PFKFB3: variants seen among roughly 807,000 people sequenced by gnomAD.
PFKFB3 encodes 6-phosphofructo-2-kinase/fructose-2,6-bisphosphatase 3.
Under a neutral mutation model 68.0 loss-of-function variants are expected in PFKFB3, and 33 were observed. That is an observed-to-expected ratio of 0.49 (90% confidence interval 0.37 to 0.65). The LOEUF is 0.65. Among genes scored for constraint, PFKFB3 ranks in the 30% least tolerant of loss-of-function variants. The probability of loss-of-function intolerance (pLI) is 0.00; values close to 1 mark genes in which losing one functional copy is unlikely to be tolerated. For missense variants in PFKFB3, 586 were observed against 712.2 expected (o/e 0.82, Z 2.02); for synonymous variants, 315 against 288.2 (o/e 1.09, Z -0.94).
At chr10:6,193,828 C>T (rs1239192581) in intron 1 of PFKFB3, among the ~76,000 whole-genome samples, 1 of 152,028 alleles carries the variant, frequency 6.6e-6, no homozygotes, top group Non-Finnish European at 1.5e-5. Context: ...TTGTAAAGAA[C>T]CTTCTTAAGG....
chr10:6,268,701 T>G, the PFKFB3 span, among the ~76,000 whole-genome samples: 1 of 150,800 alleles, frequency 6.6e-6, no homozygotes, highest in Non-Finnish European at 1.5e-5. Context: ...TTGTACTGGA[T>G]CATACATTCA....
chr10:6,166,630 A>T (rs948320407), intron 1 of PFKFB3, among the ~76,000 whole-genome samples: 1 of 152,082 alleles, frequency 6.6e-6, no homozygotes, highest in South Asian at 2.1e-4. Context: ...CTTCTCTCAG[A>T]CGGAGGCAGC....
rs114309764 is a variant in PFKFB3, at chr10:6,229,067, T to C, written c.1515+2702T>C. ...CCCCAAAAACACACCCGCCCCTTTA[T>C]TTCCTGTTTGCTCCTTAAGTTACCT... On this transcript the variant is annotated intron_variant, in intron 14 of 14. Transcript: ENST00000379775. The surrounding 1 kb of genome is among the most constrained non-coding windows in gnomAD (Gnocchi z 4.3). 2.2e-3 allele frequency: 1,161 copies of C among 520,778 alleles called. 15 individuals are homozygous for C. The highest frequency in any genetic ancestry group is 0.021 in the African/African-American group (1,075 of 51,812). The allele number at this position is 520,778 out of a possible 1,614,324, so 32.3% of individuals were successfully genotyped here. A position where few individuals can be genotyped will look rare whatever the true frequency, so the allele number is the denominator to read the frequency against.
intron 1 of PFKFB3, among the ~76,000 whole-genome samples, chr10:6,175,881 C>T (rs956655396): frequency 1.3e-5 from 2 of 152,244 alleles, no homozygotes; most frequent in Non-Finnish European, 2.9e-5. Flanking sequence ...CTGTGACTCA[C>T]ACCAACTCTC....
chr10:6,188,115 C>T (rs1157935753), intron 1 of PFKFB3, among the ~76,000 whole-genome samples: 2 of 151,636 alleles, frequency 1.3e-5, no homozygotes, highest in African/African-American at 2.4e-5. Flanking sequence ...AAATATATGT[C>T]GTGCCCAGCC....
upstream of PFKFB3, among the ~76,000 whole-genome samples, chr10:6,198,490 T>A (rs1208430919): frequency 6.6e-6 from 1 of 152,140 alleles, no homozygotes; most frequent in African/African-American, 2.4e-5. Flanking sequence ...AGAAAAATAA[T>A]AATTTTTTTT....
At chr10:6,159,703 A>T (rs1303436823) in intron 1 of PFKFB3, among the ~76,000 whole-genome samples, 2 of 151,512 alleles carry the variant, frequency 1.3e-5, no homozygotes, top group African/African-American at 4.8e-5. Flanking sequence ...AGGAAAAAAA[A>T]AAAAAACAAA....
At position 6,151,032 on chromosome 10, in the gene PFKFB3, A is replaced by G. The variant is rs371256186; in HGVS notation, c.16+6019A>G. The stretch of plus-strand genomic sequence containing the variant: ...CAACAACAAAAAGCAAAAATTGCCT[A>G]TCATTCATGACGGCAGGGGAAGAGT... On this transcript the variant is annotated intron_variant, in intron 1 of 14. Coordinates refer to the PFKFB3 transcript ENST00000379789. Among the ~76,000 whole-genome samples the G allele has an allele frequency of 9.2e-5, 14 of 152,194 alleles. No homozygotes were observed. The East Asian group carries it at 2.5e-3, about 27-fold the overall frequency.
the PFKFB3 span, among the ~76,000 whole-genome samples, chr10:6,289,955 T>C: frequency 6.6e-6 from 1 of 152,152 alleles, no homozygotes; most frequent in East Asian, 1.9e-4. Flanking sequence ...TATTTTATTC[T>C]CTTTGAAGCA....
At chr10:6,322,344 A>G in the PFKFB3 span, among the ~76,000 whole-genome samples, 1 of 152,046 alleles carries the variant, frequency 6.6e-6, no homozygotes, top group African/African-American at 2.4e-5. Flanking sequence ...AAATCCATCT[A>G]CCACTTTTCA....
intron 1 of PFKFB3, among the ~76,000 whole-genome samples, chr10:6,161,583 C>T (rs1264649615): frequency 2.7e-5 from 4 of 149,734 alleles, no homozygotes; most frequent in African/African-American, 9.9e-5. Context: ...TATACACACA[C>T]ACATATATAT....
chr10:6,220,923 A>G lies in PFKFB3; in HGVS notation c.831+58A>G. The G allele has an allele frequency of 7.7e-7, 1 of 1,301,004 alleles. No individual in the cohort carries two copies. Among genetic ancestry groups the G allele is most frequent in the South Asian group, 1.2e-5 (1 of 85,022 alleles). 80.6% of individuals were successfully genotyped at this position (1,301,004 alleles called of 1,614,324 possible). A position where few individuals can be genotyped will look rare whatever the true frequency, so the allele number is the denominator to read the frequency against. On this transcript the variant is annotated intron_variant, in intron 8 of 14. Coordinates refer to ENST00000379775, the MANE Select transcript of PFKFB3 (RefSeq NM_004566.4). The surrounding 1 kb of genome is among the most constrained non-coding windows in gnomAD (Gnocchi z 4.1). ...GCTGTAGGGCGGTTGCAGGGTCTAT[A>G]GGGTGGGTGGGGAGCTGTGTGCTGC... is the stretch of plus-strand genomic sequence containing the variant.
At chr10:6,241,649 T>C (rs1846142194) in intron 14 of PFKFB3, among the ~76,000 whole-genome samples, 1 of 152,096 alleles carries the variant, frequency 6.6e-6, no homozygotes, top group Non-Finnish European at 1.5e-5. Flanking sequence ...CTGAGCAACA[T>C]AGTGAGACCC....
At chr10:6,306,891 C>T in the PFKFB3 span, among the ~76,000 whole-genome samples, 19 of 152,292 alleles carry the variant, frequency 1.2e-4, no homozygotes, top group South Asian at 2.1e-4. Context: ...TTTAGTTTTA[C>T]GTATTAACTT....
intron 1 of PFKFB3, among the ~76,000 whole-genome samples, chr10:6,177,431 TTTCTTTC>T (rs751070411): frequency 6.4e-3 from 257 of 40,458 alleles, no homozygotes; most frequent in East Asian, 0.011. Flanking sequence ...CTTCCTTTCT[TTTCTTTC>T]TCTTTCTTTC....
chr10:6,245,721 T>G (rs977383660), intron 14 of PFKFB3: 2 of 152,186 alleles, frequency 1.3e-5, no homozygotes, highest in East Asian at 1.9e-4. Context: ...TGAGCCTTAT[T>G]TTTTATTTTT....
chr10:6,308,315 C>T, the PFKFB3 span, among the ~76,000 whole-genome samples: 1 of 152,168 alleles, frequency 6.6e-6, no homozygotes, highest in African/African-American at 2.4e-5. Flanking sequence ...GAGTTCAAGA[C>T]CAGCCTGGCC....
At chr10:6,189,578 G>A (rs1396942354) in intron 1 of PFKFB3, among the ~76,000 whole-genome samples, 4 of 148,532 alleles carry the variant, frequency 2.7e-5, no homozygotes, top group East Asian at 4.0e-4. Context: ...GCAGTGGCGC[G>A]ATCTCTGCTC....
intron 1 of PFKFB3, among the ~76,000 whole-genome samples, chr10:6,180,608 G>C (rs1842686265): frequency 6.6e-6 from 1 of 152,076 alleles, no homozygotes. Flanking sequence ...GAAACTACAG[G>C]TGTGCTTCAC....
Sources: allele counts gnomAD v4.1 joint callset (sites outside exome capture counted in the v4.1 genomes callset), GRCh38; gene constraint gnomAD v4.1.1; non-coding constraint Gnocchi (gnomAD v3.1); transcripts MANE v1.5; gene names NCBI Gene and HGNC (gene_info 2026-07-23, HGNC 2026-07-21).